The following ENPP7 variants were observed in gnomAD, a reference collection of about 807,000 sequenced individuals.
The protein encoded by ENPP7 is ectonucleotide pyrophosphatase/phosphodiesterase 7, also known as ectonucleotide pyrophosphatase/phosphodiesterase family member 7.
In ENPP7, 39 loss-of-function variants were observed where a neutral mutation model predicts 33.6. The ratio of observed to expected loss-of-function variants is 1.16; its 90% CI spans 0.90 to 1.52. ENPP7 has a LOEUF of 1.52. Among genes scored for constraint, ENPP7 ranks in the 40% most tolerant of loss-of-function variants. ENPP7 has a pLI of 0.00. For synonymous variants in ENPP7, 244 were observed against 274.3 expected, an observed-to-expected ratio of 0.89 and a Z score of 1.09; for missense variants, 594 against 641.0, an observed-to-expected ratio of 0.93 and a Z score of 0.79.
chr17:79,736,211 G>C (rs1429329789), intron 3 of ENPP7, among the ~76,000 whole-genome samples: 1 of 152,138 alleles, frequency 6.6e-6, no homozygotes, highest in Non-Finnish European at 1.5e-5. Context: ...GCTGATGTTT[G>C]TATTTTTTTG....
rs781863292 is a variant in ENPP7, at chr17:79,731,266, T to G, written c.127T>G (p.Trp43Gly). The G allele has an allele frequency of 6.2e-7, 1 of 1,613,878 alleles. No individual in the cohort carries two copies. The highest frequency in any genetic ancestry group is 1.1e-5 in the South Asian group (1 of 91,076). ...CCTGGTGTCCTTCGACGGCTTCCGC[T>G]GGAACTACGACCAGGACGTGGACAC... ...LLLVSFDGFR[W>G]NYDQDVDTPN... Residue 43 changes from tryptophan (W) to glycine (G), a missense_variant, in exon 1 of 6, where the codon TGG (tryptophan) becomes GGG (glycine). Around this residue, in one of 3 missense-constraint regions of ENPP7, gnomAD observed 85 missense variants for 111.3 expected, o/e 0.76. Transcript: ENST00000328313.
chr17:79,732,135 T>TACATATATACAC (rs782666985), intron 1 of ENPP7, among the ~76,000 whole-genome samples: 1,195 of 40,696 alleles, frequency 0.029, 85 homozygotes, highest in African/African-American at 0.14. Context: ...TATATATGTA[T>TACATATATACAC]ATATATATAT....
Position 79,738,056 on chromosome 17 carries a change from G to T in ENPP7, c.*10G>T. 1 of 1,608,466 alleles carries T rather than the reference G, an allele frequency of 6.2e-7. No homozygotes were observed. On this transcript the variant is annotated 3_prime_UTR_variant, in exon 5 of 6. Transcript: ENST00000328313. This position sits in a 1 kb window ranked among gnomAD's most constrained non-coding sequence, Gnocchi z 6.2. ...GTCTGAGGTCGCATAACGCCCCATG[G>T]CTCAAGGTCAGAGACCCAGAAGGCA...
chr17:79,732,130 A>G (rs1474003924), intron 1 of ENPP7, among the ~76,000 whole-genome samples: 16 of 29,430 alleles, frequency 5.4e-4, no homozygotes, highest in African/African-American at 7.3e-4. Flanking sequence ...ACATATATAT[A>G]TGTATATATA....
intron 2 of ENPP7, among the ~76,000 whole-genome samples, chr17:79,733,982 G>T (rs1416017257): frequency 6.6e-6 from 1 of 152,196 alleles, no homozygotes; most frequent in Non-Finnish European, 1.5e-5. Flanking sequence ...TGCAGCATTG[G>T]GGGTGAGGGT....
rs782062802 is a variant in ENPP7, at chr17:79,739,892, G to C, written c.*16+1830G>C. 1.3e-5 allele frequency among the ~76,000 whole-genome samples: 2 copies of C among 152,222 alleles called. No homozygotes were observed. Among genetic ancestry groups the C allele is most frequent in the African/African-American group, 2.4e-5 (1 of 41,458 alleles). On this transcript the variant is annotated intron_variant, in intron 5 of 5. Transcript: ENST00000328313. The surrounding 1 kb of genome is among the most constrained non-coding windows in gnomAD (Gnocchi z 4.4). ...ACAGGAAAAGCCAAGAGCTTGTCAT[G>C]GGTCAAGAGGGGAATGAGGCCAGGT...
At chr17:79,731,540 G>A in intron 1 of ENPP7, 148 bp downstream of exon 1, 1 of 1,092,312 alleles carries the variant, frequency 9.2e-7, no homozygotes, top group Non-Finnish European at 1.3e-6. Context: ...CTCACCGTTG[G>A]TAGCAACAGA....
At chr17:79,732,151 C>T (rs200224119) in intron 1 of ENPP7, among the ~76,000 whole-genome samples, 6,534 of 24,306 alleles carry the variant, frequency 0.27, 676 homozygotes, top group East Asian at 0.5. Flanking sequence ...TATATATATA[C>T]ACACACATAT....
intron 2 of ENPP7, among the ~76,000 whole-genome samples, chr17:79,733,963 C>A (rs1309414202): frequency 2.0e-5 from 3 of 152,192 alleles, no homozygotes; most frequent in Non-Finnish European, 4.4e-5. Context: ...GAACTGCACC[C>A]TTGGGCCCTG....
rs1436084703 is a variant in ENPP7 at position 79,732,172 on chromosome 17, G to A, written c.253+780G>A. 5.6e-3 allele frequency among the ~76,000 whole-genome samples: 311 copies of A among 55,172 alleles called. 5 individuals are homozygous for A. Among genetic ancestry groups the A allele is most frequent in the Middle Eastern group, 0.037 (3 of 80 alleles). 36.2% of individuals were successfully genotyped at this position (55,172 alleles called of 152,430 possible). ...TATACACACACATATATATATATATGAGGCCAAGGCAGGAGGATTGCTGGA... is the reference window on the plus strand; with the variant it reads ...TATACACACACATATATATATATATAAGGCCAAGGCAGGAGGATTGCTGGA... On this transcript the variant is annotated intron_variant, in intron 1 of 5. Coordinates refer to ENST00000328313, the MANE Select transcript of ENPP7 (RefSeq NM_178543.5).
intron 2 of ENPP7, 35 bp downstream of exon 2, chr17:79,733,688 G>A: frequency 1.3e-6 from 2 of 1,564,798 alleles, no homozygotes; most frequent in African/African-American, 1.4e-5. Flanking sequence ...ACATCGCAGA[G>A]CACGGGGGCA....
In ENPP7 at chr17:79,741,750, C is replaced by G. The variant is rs1283110259; in HGVS notation, c.*17-44C>G. The G allele has an allele frequency of 5.1e-6, 5 of 982,684 alleles. No homozygotes were observed. In the Admixed American group the frequency reaches 1.8e-4, roughly 36 times the overall value. The allele number at this position is 982,684 out of a possible 1,614,324, so 60.9% of individuals were successfully genotyped here. A position where few individuals can be genotyped will look rare whatever the true frequency, so the allele number is the denominator to read the frequency against. ...CCACCAGACCTGCCCTCAGCCTGCC[C>G]CATCCTCTCCTCCCAGACCAACGCG... On this transcript the variant is annotated intron_variant, in intron 5 of 5. Coordinates refer to ENST00000328313, the MANE Select transcript of ENPP7 (RefSeq NM_178543.5).
Position 79,734,563 on chromosome 17 carries a change from T to C in ENPP7, c.400-480T>C, listed in dbSNP as rs951093350. ...CGCCATCTCCGCTCACTGCAAGCTC[T>C]GCCTCCCGGGTTTACACTATTCTCC... On this transcript the variant is annotated intron_variant, in intron 2 of 5. Coordinates refer to ENST00000328313, the MANE Select transcript of ENPP7 (RefSeq NM_178543.5). 1.1e-4 allele frequency among the ~76,000 whole-genome samples: 17 copies of C among 151,710 alleles called. 1 individual carries two copies. Among genetic ancestry groups the C allele is most frequent in the Middle Eastern group, 6.8e-3 (2 of 294 alleles).
intron 1 of ENPP7, among the ~76,000 whole-genome samples, chr17:79,732,685 T>A (rs2094288714): frequency 1.3e-5 from 2 of 152,158 alleles, no homozygotes; most frequent in Non-Finnish European, 2.9e-5. Flanking sequence ...ATTCAAACTT[T>A]CCTCTTCTCA....
intron 5 of ENPP7, among the ~76,000 whole-genome samples, chr17:79,740,077 C>A (rs904660227): frequency 2.6e-5 from 4 of 152,080 alleles, no homozygotes; most frequent in African/African-American, 9.7e-5. Flanking sequence ...TGCCTGTAAT[C>A]CCAGCTACTG....
At chr17:79,734,237 C>G (rs72855480) in intron 2 of ENPP7, among the ~76,000 whole-genome samples, 11,950 of 144,512 alleles carry the variant, frequency 0.083, 586 homozygotes, top group South Asian at 0.17. Context: ...TCCAAGATGA[C>G]GCTGGAATAA....
intron 3 of ENPP7, among the ~76,000 whole-genome samples, chr17:79,736,651 G>A (rs1555823666): frequency 1.3e-5 from 2 of 152,060 alleles, no homozygotes; most frequent in African/African-American, 4.8e-5. Flanking sequence ...AGAGTCAGGA[G>A]CCCAACCTCC....
intron 5 of ENPP7, among the ~76,000 whole-genome samples, chr17:79,740,314 A>T (rs1288891721): frequency 1.3e-5 from 2 of 152,210 alleles, no homozygotes; most frequent in African/African-American, 4.8e-5. Context: ...GAAGGGGACC[A>T]GAGGACCCTT....
In ENPP7 at chr17:79,737,348, C is replaced by A; in HGVS notation, c.1246+88C>A. 1 of 1,157,104 alleles carries A rather than the reference C, an allele frequency of 8.6e-7. No individual in the cohort carries two copies. Among genetic ancestry groups the A allele is most frequent in the Non-Finnish European group, 1.2e-6 (1 of 812,974 alleles). The allele number at this position is 1,157,104 out of a possible 1,614,324, so 71.7% of individuals were successfully genotyped here. Reference sequence around the variant, plus strand: ...GCCTGCATGCCTGTGACCAGGACACCCTTGAGCCCCAAGTGGGGCCACCTC... The same window carrying A: ...GCCTGCATGCCTGTGACCAGGACACACTTGAGCCCCAAGTGGGGCCACCTC... On this transcript the variant is annotated intron_variant, in intron 4 of 5. Transcript: ENST00000328313. The surrounding 1 kb of genome is among the most constrained non-coding windows in gnomAD (Gnocchi z 5.5).
Sources: allele counts gnomAD v4.1 joint callset (sites outside exome capture counted in the v4.1 genomes callset), GRCh38; gene constraint gnomAD v4.1.1; regional missense constraint gnomAD v4.1.1; non-coding constraint Gnocchi (gnomAD v3.1); transcripts MANE v1.5; gene names NCBI Gene and HGNC (gene_info 2026-07-23, HGNC 2026-07-21).